SHANK1: variants seen among roughly 807,000 people sequenced by gnomAD.
SHANK1 encodes the protein SH3 and multiple ankyrin repeat domains protein 1.
SHANK1 carries 35 observed loss-of-function variants against 165.6 expected under a neutral mutation model. That is an observed-to-expected ratio of 0.21 (90% CI 0.16 to 0.28). SHANK1 has a LOEUF of 0.28. SHANK1 is among the 10% of genes least tolerant of loss of function. The pLI, the probability that SHANK1 is intolerant of heterozygous loss-of-function variation, is 1.00. For synonymous variants in SHANK1, 1,428 were observed against 1,384.8 expected, an observed-to-expected ratio of 1.03 and a Z score of -0.69; for missense variants, 2,681 against 3,036.4, an observed-to-expected ratio of 0.88 and a Z score of 2.75.
intron 21 of SHANK1, among the ~76,000 whole-genome samples, chr19:50,673,330 G>C (rs1985866015): frequency 6.6e-6 from 1 of 151,974 alleles, no homozygotes; most frequent in South Asian, 2.1e-4. Flanking sequence ...CTGCAGGCGG[G>C]ACCCAGCCCT....
At chr19:50,692,389 C>A (rs933433508) in intron 15 of SHANK1, among the ~76,000 whole-genome samples, 5 of 150,920 alleles carry the variant, frequency 3.3e-5, no homozygotes, top group African/African-American at 1.2e-4. Flanking sequence ...AACCGAGGCA[C>A]AGAGAAATAA....
Position 50,702,503 on chromosome 19 carries a change from C to A in SHANK1, c.1711G>T (p.Gly571Trp). The change falls in exon 12 of 24, where the codon GGG (glycine) becomes TGG (tryptophan). Residue 571 changes from glycine to tryptophan, a missense_variant. Physicochemically the swap from Gly to Trp is radical, Grantham distance 184. This residue lies in a region of SHANK1 where 195 missense variants were observed against 186.2 expected (regional missense o/e 1.05). Transcript: ENST00000293441. This position sits in a 1 kb window ranked among gnomAD's most constrained non-coding sequence, Gnocchi z 5.3. ...TCGCCCTTGCTCAGGGAGATCTCCC[C>A]CTCGGCTTGGGCCTGGTAGGACTTC... ...AVKSYQAQAEGEISLSKGEKI... is the reference protein window; with the variant it reads ...AVKSYQAQAEWEISLSKGEKI... The A allele has an allele frequency of 6.2e-7, 1 of 1,613,288 alleles. No homozygotes were observed. The highest frequency in any genetic ancestry group is 8.5e-7 in the Non-Finnish European group (1 of 1,179,822).
At chr19:50,689,055 G>C (rs558817793) in intron 16 of SHANK1, 87 bp from the exon 17 acceptor site, 15 of 1,139,570 alleles carry the variant, frequency 1.3e-5, no homozygotes, top group Non-Finnish European at 1.6e-5. Context: ...AGTCACGGAG[G>C]CCTCACCGCA....
intron 22 of SHANK1, 73 bp from the exon 23 acceptor site, chr19:50,669,358 C>A: frequency 1.0e-6 from 1 of 995,594 alleles, no homozygotes; most frequent in Non-Finnish European, 1.5e-6. Context: ...TCCCATAGAA[C>A]CGCAACAATA....
chr19:50,673,495 G>T (rs991061206), intron 21 of SHANK1, among the ~76,000 whole-genome samples: 1 of 151,960 alleles, frequency 6.6e-6, no homozygotes, highest in African/African-American at 2.4e-5. Flanking sequence ...CCTTTTCAGC[G>T]CGAAGTTCTC....
Position 50,667,672 on chromosome 19 carries a change from C to G in SHANK1, c.4288G>C (p.Glu1430Gln). ...LGYRAGLGSQ[E>Q]KSLPASPPAA... ...GGCGGGCTGGCGGGAAGGGACTTCT[C>G]CTGGCTGCCCAGCCCGGCCCTGTAC... The change falls in exon 23 of 24, where the codon GAG becomes CAG. Residue 1430 changes from glutamate (E) to glutamine (Q), a missense_variant. Coordinates refer to ENST00000293441, the MANE Select transcript of SHANK1 (RefSeq NM_016148.5). The surrounding 1 kb of genome is among the most constrained non-coding windows in gnomAD (Gnocchi z 5.7). 1 of 1,387,826 alleles carries G rather than the reference C, an allele frequency of 7.2e-7. No individual in the cohort carries two copies. The highest frequency in any genetic ancestry group is 9.3e-7 in the Non-Finnish European group (1 of 1,079,828). 86.0% of individuals were successfully genotyped at this position (1,387,826 alleles called of 1,614,324 possible).
In SHANK1 at chr19:50,666,534, G is replaced by A; in HGVS notation, c.5426C>T (p.Ala1809Val). ...ALRACSGPPT[A>V]GVAGGPVAVE... The stretch of plus-strand genomic sequence containing the variant: ...AGCCACCGGACCCCCCGCCACGCCT[G>A]CCGTGGGGGGTCCTGAACAAGCACG... Residue 1809 changes from alanine (A) to valine (V), a missense_variant, in exon 23 of 24, where the codon GCA becomes GTA. Ala to Val is a moderately conservative substitution (Grantham distance 64). Transcript: ENST00000293441. 6.3e-7 allele frequency: 1 copy of A among 1,593,378 alleles called. No homozygotes were observed.
intron 12 of SHANK1, among the ~76,000 whole-genome samples, chr19:50,701,193 CTTTTT>C (rs34951143): frequency 2.0e-5 from 2 of 101,154 alleles, no homozygotes; most frequent in Admixed American, 2.1e-4. Flanking sequence ...AAAATGATGG[CTTTTT>C]TTTTTTTTTT....
At position 50,687,699 on chromosome 19, in the gene SHANK1, G is replaced by A; in HGVS notation, c.2309-37C>T. ...ATGAGGGGAGGCATCAGTATCATGG[G>A]GGAGATGCCCCCACCACCCTCTACC... On this transcript the variant is annotated intron_variant, in intron 18 of 23. Transcript: ENST00000293441. The A allele has an allele frequency of 4.2e-6, 6 of 1,444,788 alleles. 1 individual carries two copies. In the South Asian group the frequency reaches 4.4e-5, roughly 10 times the overall value. The allele number at this position is 1,444,788 out of a possible 1,614,324, so 89.5% of individuals were successfully genotyped here.
At chr19:50,672,638 GGAGA>G (rs1985841567) in intron 21 of SHANK1, among the ~76,000 whole-genome samples, 2 of 151,408 alleles carry the variant, frequency 1.3e-5, no homozygotes, top group African/African-American at 4.9e-5. Context: ...TGGGCAGGAA[GGAGA>G]AAGAAAGGAG....
intron 8 of SHANK1, among the ~76,000 whole-genome samples, chr19:50,709,175 A>T (rs564275857): frequency 6.6e-6 from 1 of 152,182 alleles, no homozygotes; most frequent in Non-Finnish European, 1.5e-5. Flanking sequence ...GTCTCGCTCT[A>T]TCACCCAGGC....
chr19:50,661,933 T>C lies in SHANK1; in HGVS notation c.*32A>G, dbSNP rs1985243774. Reference sequence around the variant, plus strand: ...AAGAGGCCAGCAGGCTCAAGAGTTCTGTGGACGGGGCTGGTCCGTCCAGGC... The same window carrying C: ...AAGAGGCCAGCAGGCTCAAGAGTTCCGTGGACGGGGCTGGTCCGTCCAGGC... On this transcript the variant is annotated 3_prime_UTR_variant, in exon 24 of 24. Transcript: ENST00000293441. 1 of 1,611,940 alleles carries C rather than the reference T, an allele frequency of 6.2e-7. No individual in the cohort carries two copies. The highest frequency in any genetic ancestry group is 1.3e-5 in the African/African-American group (1 of 74,864).
chr19:50,667,614 G>C lies in SHANK1; in HGVS notation c.4346C>G (p.Pro1449Arg), dbSNP rs952062357. Reference sequence around the variant, plus strand: ...GGGCCCCACCCCGGGAGCGGTGGGCGGCAGGCGGTGTAGCAGGGAACGCCG... The same window carrying C: ...GGGCCCCACCCCGGGAGCGGTGGGCCGCAGGCGGTGTAGCAGGGAACGCCG... ...AARRSLLHRL[P>R]PTAPGVGPLL... The change falls in exon 23 of 24, where the codon CCG (proline) becomes CGG (arginine). Residue 1449 changes from proline to arginine, a missense_variant. Around this residue, in one of 10 missense-constraint regions of SHANK1, gnomAD observed 1,713 missense variants for 1,630.2 expected, o/e 1.05. Coordinates refer to ENST00000293441, the MANE Select transcript of SHANK1 (RefSeq NM_016148.5). The surrounding 1 kb of genome is among the most constrained non-coding windows in gnomAD (Gnocchi z 5.7). 5 of 1,439,524 alleles carry C rather than the reference G, an allele frequency of 3.5e-6. No homozygotes were observed. Among genetic ancestry groups the C allele is most frequent in the Non-Finnish European group, 4.5e-6 (5 of 1,108,204 alleles). The allele number at this position is 1,439,524 out of a possible 1,614,324, so 89.2% of individuals were successfully genotyped here. A position where few individuals can be genotyped will look rare whatever the true frequency, so the allele number is the denominator to read the frequency against.
At chr19:50,692,854 G>A (rs542844689) in intron 15 of SHANK1, among the ~76,000 whole-genome samples, 2 of 130,456 alleles carry the variant, frequency 1.5e-5, no homozygotes, top group South Asian at 4.9e-4. Context: ...ACCCTATGGA[G>A]CCATCCCCCC....
Position 50,702,749 on chromosome 19 carries a change from C to G in SHANK1, c.1554-89G>C, listed in dbSNP as rs546403026. ...GGGGTCCTTGGGTGGGGGAAGAGGA[C>G]GGTGCATCAGGGGGGAGGGGGGGTT... is the stretch of plus-strand genomic sequence containing the variant. On this transcript the variant is annotated intron_variant, in intron 11 of 23. Transcript: ENST00000293441. The surrounding 1 kb of genome is among the most constrained non-coding windows in gnomAD (Gnocchi z 5.3). The G allele has an allele frequency of 5.8e-6, 4 of 687,034 alleles. No homozygotes were observed. The highest frequency in any genetic ancestry group is 9.3e-6 in the Non-Finnish European group (4 of 430,226). The allele number at this position is 687,034 out of a possible 1,614,324, so 42.6% of individuals were successfully genotyped here.
Position 50,697,946 on chromosome 19 carries a change from G to A in SHANK1, c.1758C>T (p.Ile586=), listed in dbSNP as rs143041573. ...GGCCTTCCCAGAAGCCTCCTTCCCC[G>A]ATGCTAAGTACTGGATGGGGAACGG... ...SKGEKIKVLS[I]GEGGFWEGQV... is the part of the protein sequence containing the mutation. Residue 586 remains isoleucine, a synonymous_variant, in exon 13 of 24, where the codon ATC becomes ATT. Coordinates refer to ENST00000293441, the MANE Select transcript of SHANK1 (RefSeq NM_016148.5). This position sits in a 1 kb window ranked among gnomAD's most constrained non-coding sequence, Gnocchi z 4.7. 1.7e-5 allele frequency: 28 copies of A among 1,612,114 alleles called. No homozygotes were observed. In the African/African-American group the frequency reaches 2.9e-4, roughly 17 times the overall value.
In SHANK1 at chr19:50,713,229, G is replaced by C. The variant is rs1472763954; in HGVS notation, c.792+569C>G. Among the ~76,000 whole-genome samples the C allele has an allele frequency of 2.6e-5, 4 of 152,278 alleles. No homozygotes were observed. The East Asian group carries it at 5.8e-4, about 22-fold the overall frequency. ...TCCTGGCGGGGGCAGGGGGAGAAGA[G>C]TATTTTAAAATTAGACTGTGCAGCT... is the stretch of plus-strand genomic sequence containing the variant. On this transcript the variant is annotated intron_variant, in intron 6 of 23. Transcript: ENST00000293441. The surrounding 1 kb of genome is among the most constrained non-coding windows in gnomAD (Gnocchi z 6.2).
At chr19:50,715,783 C>T (rs996313875) in intron 3 of SHANK1, 53 bp from the exon 4 acceptor site, 71 of 1,543,410 alleles carry the variant, frequency 4.6e-5, no homozygotes, top group Non-Finnish European at 6.1e-5. Flanking sequence ...GAATCAGGGG[C>T]CTGGGGAGAA....
chr19:50,706,376 C>A (rs1027092114), intron 8 of SHANK1, among the ~76,000 whole-genome samples: 1 of 152,116 alleles, frequency 6.6e-6, no homozygotes, highest in Non-Finnish European at 1.5e-5. Flanking sequence ...AATTTCTCAC[C>A]GGTGTCAATC....
Sources: gnomAD v4.1 joint callset for allele counts (sites outside exome capture counted in the v4.1 genomes callset) on GRCh38, gnomAD v4.1.1 for gene constraint, gnomAD v4.1.1 regional missense constraint, Gnocchi (gnomAD v3.1) non-coding constraint, MANE v1.5 for transcripts, NCBI Gene and HGNC (gene_info 2026-07-23, HGNC 2026-07-21) for gene names.